The following GMDS variants were observed in gnomAD, a reference collection of about 807,000 sequenced individuals.
GMDS encodes GDP-mannose 4,6-dehydratase.
In GMDS, 20 loss-of-function variants were observed where a neutral mutation model predicts 49.9. The ratio of observed to expected loss-of-function variants is 0.40; its 90% CI spans 0.28 to 0.58. GMDS has a LOEUF of 0.58. Ranked by LOEUF, GMDS falls within the 20% of genes least tolerant of loss-of-function variation. The pLI is 0.42. For missense variants in GMDS, 362 were observed against 481.4 expected (o/e 0.75, Z 2.32); for synonymous variants, 177 against 178.6 (o/e 0.99, Z 0.07).
chr6:2,213,252 T>C (rs1218627268), intron 1 of GMDS, among the ~76,000 whole-genome samples: 1 of 152,198 alleles, frequency 6.6e-6, no homozygotes, highest in Admixed American at 6.5e-5. Context: ...AAGGAATCCC[T>C]TGATTTATGG....
intron 6 of GMDS, among the ~76,000 whole-genome samples, chr6:1,950,022 T>A (rs1381998300): frequency 2.6e-5 from 4 of 152,248 alleles, no homozygotes; most frequent in African/African-American, 7.2e-5. Context: ...AGTGCATGAT[T>A]TGAATTTGCC....
At chr6:2,039,484 A>G (rs1769518170) in intron 4 of GMDS, among the ~76,000 whole-genome samples, 1 of 152,208 alleles carries the variant, frequency 6.6e-6, no homozygotes, top group Non-Finnish European at 1.5e-5. Context: ...ATTCCTTTGT[A>G]ATATTACATA....
intron 4 of GMDS, among the ~76,000 whole-genome samples, chr6:2,010,787 A>T (rs1767511604): frequency 6.6e-6 from 1 of 152,218 alleles, no homozygotes. Context: ...CAAAATAATA[A>T]AAATATATTG....
chr6:2,231,181 G>C (rs1350523990), intron 1 of GMDS, among the ~76,000 whole-genome samples: 1 of 151,990 alleles, frequency 6.6e-6, no homozygotes, highest in Non-Finnish European at 1.5e-5. Context: ...AGAGACTAGG[G>C]AGAGCTGCAG....
At chr6:1,692,108 C>T (rs984549058) in intron 9 of GMDS, among the ~76,000 whole-genome samples, 2 of 152,196 alleles carry the variant, frequency 1.3e-5, no homozygotes, top group African/African-American at 4.8e-5. Context: ...TCCTCCCATG[C>T]TAGATGCTTC....
intron 9 of GMDS, among the ~76,000 whole-genome samples, chr6:1,638,444 CTT>C (rs1763229926): frequency 6.6e-6 from 1 of 152,076 alleles, no homozygotes; most frequent in African/African-American, 2.4e-5. Context: ...TGATCCTGAA[CTT>C]TATACTTATG....
chr6:1,725,498 A>G (rs1294188097), intron 9 of GMDS, among the ~76,000 whole-genome samples: 1 of 151,670 alleles, frequency 6.6e-6, no homozygotes, highest in Admixed American at 6.6e-5. Flanking sequence ...ATGGCGCGCG[A>G]TCTCGGCTCA....
rs1422575943 is a variant in GMDS at position 1,833,505 on chromosome 6, C to T, written c.772-90919G>A. Among the ~76,000 whole-genome samples, 1 of 146,518 alleles carries T rather than the reference C, an allele frequency of 6.8e-6. No homozygotes were observed. The highest frequency in any genetic ancestry group is 2.5e-5 in the African/African-American group (1 of 40,066). ...CTGAATGCAGCACACATTTTTAAAA[C>T]TTTTTTTTTTTGCCTTTTCTTCCTT... On this transcript the variant is annotated intron_variant, in intron 7 of 10. Coordinates refer to ENST00000380815, the MANE Select transcript of GMDS (RefSeq NM_001500.4). The surrounding 1 kb of genome is among the most constrained non-coding windows in gnomAD (Gnocchi z 4.4).
intron 1 of GMDS, among the ~76,000 whole-genome samples, chr6:2,139,211 T>G (rs1360451811): frequency 6.6e-6 from 1 of 152,098 alleles, no homozygotes; most frequent in Non-Finnish European, 1.5e-5. Flanking sequence ...AATAAAAAAT[T>G]TAAAACAAAC....
chr6:1,686,047 C>G (rs1037278052), intron 9 of GMDS, among the ~76,000 whole-genome samples: 1 of 152,134 alleles, frequency 6.6e-6, no homozygotes, highest in African/African-American at 2.4e-5. Context: ...CCACATTGGG[C>G]TTTCTGGCTG....
At chr6:1,691,922 C>G (rs1482861919) in intron 9 of GMDS, among the ~76,000 whole-genome samples, 1 of 151,992 alleles carries the variant, frequency 6.6e-6, no homozygotes, top group Non-Finnish European at 1.5e-5. Flanking sequence ...TTGAAGGATG[C>G]AAAGTATTGT....
intron 9 of GMDS, among the ~76,000 whole-genome samples, chr6:1,673,354 A>G: frequency 7.0e-6 from 1 of 143,130 alleles, no homozygotes; most frequent in African/African-American, 2.7e-5. Flanking sequence ...CTCCTCAGTT[A>G]GGTTACCAAA....
intron 7 of GMDS, among the ~76,000 whole-genome samples, chr6:1,856,694 C>A (rs1043544560): frequency 2.0e-5 from 3 of 152,186 alleles, no homozygotes; most frequent in Non-Finnish European, 4.4e-5. Context: ...GTAGGGGGCT[C>A]CACCCTAGAC....
intron 8 of GMDS, among the ~76,000 whole-genome samples, chr6:1,732,592 T>C (rs6928953): frequency 0.82 from 124,179 of 152,186 alleles, 50,916 homozygotes; most frequent in East Asian, 1. Flanking sequence ...TGGAGATAAA[T>C]GCCAAAATAA....
chr6:2,091,904 GA>G (rs139940619), intron 4 of GMDS, among the ~76,000 whole-genome samples: 7 of 147,058 alleles, frequency 4.8e-5, no homozygotes, highest in African/African-American at 1.0e-4. Flanking sequence ...TCAGAAAAAG[GA>G]AAAAAAAAAT....
intron 1 of GMDS, among the ~76,000 whole-genome samples, chr6:2,194,494 C>T (rs926226541): frequency 1.3e-5 from 2 of 152,174 alleles, no homozygotes; most frequent in African/African-American, 2.4e-5. Context: ...AGTATTATAA[C>T]ACTAAATTAT....
At chr6:1,627,313 G>A (rs1762874573) in intron 9 of GMDS, among the ~76,000 whole-genome samples, 3 of 152,210 alleles carry the variant, frequency 2.0e-5, no homozygotes, top group South Asian at 2.1e-4. Flanking sequence ...AAAGGGTGGC[G>A]TGGGGAGGGC....
rs1433604505 is a variant in GMDS at position 1,845,095 on chromosome 6, A to G, written c.771+85008T>C. Among the ~76,000 whole-genome samples, 3 of 152,350 alleles carry G rather than the reference A, an allele frequency of 2.0e-5. No homozygotes were observed. The East Asian group carries it at 5.8e-4, about 29-fold the overall frequency. On this transcript the variant is annotated intron_variant, in intron 7 of 10. Transcript: ENST00000380815. ...AAATGTGACTCTGGTTACAGGAGGA[A>G]AGTAGAAACATCTGAAATAATGGCA... is the stretch of plus-strand genomic sequence containing the variant.
intron 7 of GMDS, among the ~76,000 whole-genome samples, chr6:1,824,361 T>C (rs1771019835): frequency 6.6e-6 from 1 of 152,180 alleles, no homozygotes; most frequent in South Asian, 2.1e-4. Context: ...CTACACTTTC[T>C]ACAACATCAT....
Sources: gnomAD v4.1 joint callset for allele counts (sites outside exome capture counted in the v4.1 genomes callset) on GRCh38, gnomAD v4.1.1 for gene constraint, Gnocchi (gnomAD v3.1) non-coding constraint, MANE v1.5 for transcripts, NCBI Gene and HGNC (gene_info 2026-07-23, HGNC 2026-07-21) for gene names.